The following MAST2 variants were observed in gnomAD, a reference collection of about 807,000 sequenced individuals.
MAST2 encodes the protein microtubule associated serine/threonine kinase 2, also known as microtubule-associated serine/threonine-protein kinase 2.
A neutral mutation model predicts 147.4 loss-of-function variants in MAST2; 70 were observed. The ratio of observed to expected loss-of-function variants is 0.47; its 90% CI spans 0.39 to 0.58. MAST2 has a LOEUF of 0.58. Among genes scored for constraint, MAST2 ranks in the 20% least tolerant of loss-of-function variants. MAST2 has a pLI of 0.00. For synonymous variants in MAST2, 869 were observed against 896.8 expected (o/e 0.97, Z 0.55); for missense variants, 2,080 against 2,302.3 (o/e 0.90, Z 1.98).
At chr1:45,916,762 T>C (rs1570700873) in intron 4 of MAST2, among the ~76,000 whole-genome samples, 1 of 152,192 alleles carries the variant, frequency 6.6e-6, no homozygotes, top group Non-Finnish European at 1.5e-5. Context: ...TTTGCAGTGT[T>C]TGGTTTGCCC....
intron 3 of MAST2, among the ~76,000 whole-genome samples, chr1:45,880,598 A>T (rs957411334): frequency 5.3e-5 from 8 of 152,236 alleles, no homozygotes; most frequent in Non-Finnish European, 8.8e-5. Flanking sequence ...AAACACACAA[A>T]AGAATTGCAA....
chr1:45,929,076 A>C (rs922919514), intron 4 of MAST2, among the ~76,000 whole-genome samples: 3 of 152,080 alleles, frequency 2.0e-5, no homozygotes, highest in Non-Finnish European at 4.4e-5. Context: ...GGTAATGTCA[A>C]GTCTCTCCCT....
intron 1 of MAST2, among the ~76,000 whole-genome samples, chr1:45,812,553 A>G (rs1489952295): frequency 1.3e-5 from 2 of 150,392 alleles, no homozygotes; most frequent in African/African-American, 4.9e-5. Context: ...TCAGCCTCCC[A>G]GTAGCTGGGA....
chr1:45,987,777 A>ATTTTTTTTTTTTTTTTTTTTTTTTTTT lies in MAST2; in HGVS notation c.593-9923_593-9922insTTTTTTTTTTTTTTTTTTTTTTTTTTT. 1.9e-3 allele frequency among the ~76,000 whole-genome samples: 42 copies of ATTTTTTTTTTTTTTTTTTTTTTTTTTT among 21,812 alleles called. 7 individuals carry two copies. The highest frequency in any genetic ancestry group is 3.2e-3 in the South Asian group (1 of 308). 14.3% of individuals were successfully genotyped at this position (21,812 alleles called of 152,430 possible). ...AGCATTTCTTGTTTTTTTTTTTTTG[A>ATTTTTTTTTTTTTTTTTTTTTTTTTTT]TTTTTTTTTTTTTTTTTTTTTTTTG... On this transcript the variant is annotated intron_variant, in intron 5 of 28. Coordinates refer to ENST00000361297, the MANE Select transcript of MAST2 (RefSeq NM_015112.3).
At chr1:45,946,580 G>A (rs1036876790) in intron 4 of MAST2, among the ~76,000 whole-genome samples, 8 of 152,130 alleles carry the variant, frequency 5.3e-5, no homozygotes, top group Admixed American at 5.2e-4. Context: ...AACTGTTGCA[G>A]GAACATGTAG....
chr1:45,961,764 T>G (rs886367349), intron 5 of MAST2, among the ~76,000 whole-genome samples: 1 of 138,604 alleles, frequency 7.2e-6, no homozygotes, highest in African/African-American at 3.4e-5. Flanking sequence ...TCCTCAAATC[T>G]TTTTTTTTAT....
At chr1:45,902,612 CT>C (rs896331236) in intron 4 of MAST2, among the ~76,000 whole-genome samples, 40 of 141,468 alleles carry the variant, frequency 2.8e-4, no homozygotes, top group South Asian at 2.2e-4. Flanking sequence ...TGGTCCTGGG[CT>C]TTTTTTTTTG....
At chr1:45,968,218 A>C (rs960647496) in intron 5 of MAST2, among the ~76,000 whole-genome samples, 2 of 152,228 alleles carry the variant, frequency 1.3e-5, no homozygotes, top group East Asian at 3.8e-4. Flanking sequence ...AGACTTATCT[A>C]TTAGACAAAT....
intron 6 of MAST2, among the ~76,000 whole-genome samples, chr1:46,002,414 G>A (rs1269123486): frequency 6.6e-6 from 1 of 152,170 alleles, no homozygotes; most frequent in Non-Finnish European, 1.5e-5. Flanking sequence ...TTAACACGGA[G>A]CCTTCACAAA....
intron 26 of MAST2, among the ~76,000 whole-genome samples, chr1:46,033,388 G>A (rs1646759857): frequency 6.6e-6 from 1 of 151,616 alleles, no homozygotes; most frequent in Non-Finnish European, 1.5e-5. Context: ...GCAGTGAGCT[G>A]AGATCGCACC....
chr1:45,921,750 T>A (rs1653532714), intron 4 of MAST2, among the ~76,000 whole-genome samples: 1 of 152,182 alleles, frequency 6.6e-6, no homozygotes, highest in Non-Finnish European at 1.5e-5. Flanking sequence ...CGGGGAGCTC[T>A]CAGGTCTGGT....
At chr1:45,891,672 A>C (rs371206874) in intron 4 of MAST2, among the ~76,000 whole-genome samples, 4 of 151,560 alleles carry the variant, frequency 2.6e-5, no homozygotes, top group African/African-American at 9.7e-5. Context: ...TTTTTTTATA[A>C]TCTCCTACCT....
At chr1:45,909,595 G>T (rs1030692876) in intron 4 of MAST2, among the ~76,000 whole-genome samples, 6 of 149,226 alleles carry the variant, frequency 4.0e-5, no homozygotes, top group Non-Finnish European at 7.4e-5. Flanking sequence ...TCAATTCACT[G>T]CAACCTCCCC....
At chr1:45,966,422 T>TAAA (rs969914547) in intron 5 of MAST2, among the ~76,000 whole-genome samples, 1 of 123,038 alleles carries the variant, frequency 8.1e-6, no homozygotes, top group Non-Finnish European at 1.7e-5. Flanking sequence ...TTTGATTTTG[T>TAAA]AAAAAAAAAA....
At chr1:45,832,112 A>G (rs920995236) in intron 3 of MAST2, among the ~76,000 whole-genome samples, 1 of 151,966 alleles carries the variant, frequency 6.6e-6, no homozygotes, top group African/African-American at 2.4e-5. Context: ...TAATAATGTG[A>G]AGACCATATT....
At chr1:46,011,121 C>G (rs1278064870) in intron 10 of MAST2, 182 bp downstream of exon 10, 1 of 603,744 alleles carries the variant, frequency 1.7e-6, no homozygotes, top group Non-Finnish European at 2.9e-6. Context: ...TGAGAGAAGC[C>G]TGCTTGGTAT....
At position 45,917,560 on chromosome 1, in the gene MAST2, C is replaced by A. The variant is rs779856738; in HGVS notation, c.500+35165C>A. 1.8e-5 allele frequency: 24 copies of A among 1,363,100 alleles called. No homozygotes were observed. In the East Asian group the frequency reaches 1.1e-3, roughly 62 times the overall value. 84.4% of individuals were successfully genotyped at this position (1,363,100 alleles called of 1,614,324 possible). A position where few individuals can be genotyped will look rare whatever the true frequency, so the allele number is the denominator to read the frequency against. ...TAAGGAAACTTGCTGTGAATCTGGG[C>A]CTTGACAATTGCTTCTGGCCAAATG... On this transcript the variant is annotated intron_variant, in intron 4 of 28. Coordinates refer to ENST00000361297, the MANE Select transcript of MAST2 (RefSeq NM_015112.3).
At chr1:46,032,155 A>T (rs1246519064) in intron 24 of MAST2, 23 bp from the exon 25 acceptor site, 1 of 1,595,424 alleles carries the variant, frequency 6.3e-7, no homozygotes, top group East Asian at 2.2e-5. Flanking sequence ...TGACCCACTA[A>T]GTCCTGGCTT....
At chr1:45,835,210 G>T (rs1221865549) in intron 3 of MAST2, among the ~76,000 whole-genome samples, 1 of 151,926 alleles carries the variant, frequency 6.6e-6, no homozygotes, top group Non-Finnish European at 1.5e-5. Flanking sequence ...CAAGTTAGTA[G>T]TATATATACT....
Sources: allele counts gnomAD v4.1 joint callset (sites outside exome capture counted in the v4.1 genomes callset), GRCh38; gene constraint gnomAD v4.1.1; transcripts MANE v1.5; gene names NCBI Gene and HGNC (gene_info 2026-07-23, HGNC 2026-07-21).